Variants in ELN observed in about 807,000 individuals in gnomAD.
ELN encodes the protein elastin, also known as tropoelastin.
Under a neutral mutation model 105.8 loss-of-function variants are expected in ELN, and 65 were observed. The observed-to-expected ratio is 0.61, with a 90% CI of 0.50 to 0.75. The LOEUF (loss-of-function observed/expected upper bound fraction) is 0.75. Ranked by LOEUF, ELN falls within the 30% of genes least tolerant of loss-of-function variation. The pLI is 0.00. For synonymous variants in ELN, 368 were observed against 389.2 expected (o/e 0.95, Z 0.64); for missense variants, 882 against 969.4 (o/e 0.91, Z 1.20).
At chr7:74,037,663 A>G (rs1584502423) in intron 3 of ELN, 44 bp from the exon 4 acceptor site, 1 of 1,602,772 alleles carries the variant, frequency 6.2e-7, no homozygotes, top group Non-Finnish European at 8.5e-7. Flanking sequence ...TAGTAGATGG[A>G]TAAGCTGGGC....
intron 29 of ELN, among the ~76,000 whole-genome samples, chr7:74,064,049 G>A (rs554907076): frequency 4.5e-4 from 68 of 151,948 alleles, no homozygotes; most frequent in African/African-American, 1.4e-3. Flanking sequence ...GCTGCAGTGA[G>A]CTGAGATGGT....
chr7:74,056,800 T>G lies in ELN; in HGVS notation c.1357+87T>G, dbSNP rs980615095. On this transcript the variant is annotated intron_variant, in intron 21 of 32. Transcript: ENST00000252034. ...CTCAGGGCAAACTGGCTCCCAGGCC[T>G]CCAGGACTGAAATGGCCTGGACCAA... 11 of 1,582,110 alleles carry G rather than the reference T, an allele frequency of 7.0e-6. No individual in the cohort carries two copies. The South Asian group carries it at 1.2e-4, about 18-fold the overall frequency.
intron 8 of ELN, 179 bp downstream of exon 8, chr7:74,043,347 G>A (rs1791693307): frequency 5.2e-6 from 5 of 961,908 alleles, no homozygotes; most frequent in Non-Finnish European, 6.4e-6. Flanking sequence ...GAGGGGCCTG[G>A]CCCACTTCCC....
At chr7:74,032,573 TG>T (rs1206067811) in intron 1 of ELN, among the ~76,000 whole-genome samples, 1 of 152,126 alleles carries the variant, frequency 6.6e-6, no homozygotes, top group Non-Finnish European at 1.5e-5. Flanking sequence ...CATTGCAAAG[TG>T]GGGATTAAAA....
chr7:74,057,824 C>T, intron 22 of ELN, 128 bp downstream of exon 22: 2 of 1,072,608 alleles, frequency 1.9e-6, no homozygotes, highest in Admixed American at 2.0e-5. Context: ...CTGGGGTGGG[C>T]CCTCCTTAGA....
intron 2 of ELN, 150 bp downstream of exon 2, chr7:74,035,564 A>T: frequency 1.1e-6 from 1 of 910,062 alleles, no homozygotes; most frequent in East Asian, 2.6e-5. Flanking sequence ...CAAGACATTG[A>T]TTTACAGCTA....
chr7:74,047,984 A>G (rs570310942), intron 13 of ELN, among the ~76,000 whole-genome samples, 158 bp from the exon 14 acceptor site: 1 of 152,232 alleles, frequency 6.6e-6, no homozygotes, highest in South Asian at 2.1e-4. Flanking sequence ...AAATGGACAT[A>G]ACAACTCCAT....
intron 18 of ELN, among the ~76,000 whole-genome samples, chr7:74,053,551 G>A (rs1291697559): frequency 6.6e-6 from 1 of 152,130 alleles, no homozygotes; most frequent in African/African-American, 2.4e-5. Flanking sequence ...TCTCTGGGGG[G>A]CAGGAACCGT....
In ELN at chr7:74,069,340, A is replaced by G; in HGVS notation, c.*640A>G. ...TTGCCCTTGTAGAATCCATCCGCCCATCCGTCCATTCATCCATCGGTCCGT... is the reference window on the plus strand; with the variant it reads ...TTGCCCTTGTAGAATCCATCCGCCCGTCCGTCCATTCATCCATCGGTCCGT... On this transcript the variant is annotated 3_prime_UTR_variant, in exon 33 of 33. Transcript: ENST00000252034. The G allele has an allele frequency of 4.2e-6, 1 of 236,136 alleles. No homozygotes were observed. The highest frequency in any genetic ancestry group is 6.0e-5 in the East Asian group (1 of 16,618). The allele number at this position is 236,136 out of a possible 1,614,324, so 14.6% of individuals were successfully genotyped here. A position where few individuals can be genotyped will look rare whatever the true frequency, so the allele number is the denominator to read the frequency against.
chr7:74,045,152 G>A (rs1342343085), intron 9 of ELN, 70 bp from the exon 10 acceptor site: 1 of 1,583,360 alleles, frequency 6.3e-7, no homozygotes, highest in African/African-American at 1.3e-5. Context: ...GGGGACCCGA[G>A]GAGGGGAGGG....
At chr7:74,028,825 C>T (rs1206621573) in intron 1 of ELN, among the ~76,000 whole-genome samples, 9 of 152,174 alleles carry the variant, frequency 5.9e-5, no homozygotes, top group African/African-American at 2.2e-4. Context: ...CTGCTGTGTT[C>T]TCCCTGCTGA....
intron 15 of ELN, among the ~76,000 whole-genome samples, chr7:74,050,775 C>T (rs1048603594): frequency 2.6e-5 from 4 of 151,978 alleles, no homozygotes; most frequent in Admixed American, 6.6e-5. Context: ...AGTCAAGAAA[C>T]GGGAGGCATT....
At chr7:74,048,894 T>G (rs1793204619) in intron 15 of ELN, among the ~76,000 whole-genome samples, 2 of 151,712 alleles carry the variant, frequency 1.3e-5, no homozygotes, top group Admixed American at 6.6e-5. Context: ...CATCTCTCCC[T>G]CCATCCATTC....
intron 15 of ELN, among the ~76,000 whole-genome samples, chr7:74,049,284 A>G (rs1793334003): frequency 6.7e-6 from 1 of 148,592 alleles, no homozygotes; most frequent in Non-Finnish European, 1.5e-5. Context: ...CCACCCATTC[A>G]TCCATCCATC....
chr7:74,047,748 C>T (rs1554673418), intron 13 of ELN, 32 bp downstream of exon 13: 1 of 1,613,880 alleles, frequency 6.2e-7, no homozygotes, highest in South Asian at 1.1e-5. Flanking sequence ...TGTGGGCTTC[C>T]AGCTCTTTCC....
Position 74,068,917 on chromosome 7 carries a change from C to G in ELN, c.*217C>G, listed in dbSNP as rs1798562252. ...AGGCCCCCTACTTCAGAGGCAAGGG[C>G]CATGTGGTCCTGGCCCCCCACCCCA... is the stretch of plus-strand genomic sequence containing the variant. On this transcript the variant is annotated 3_prime_UTR_variant, in exon 33 of 33. Transcript: ENST00000252034. 3.3e-6 allele frequency: 2 copies of G among 610,536 alleles called. No individual in the cohort carries two copies. Among genetic ancestry groups the G allele is most frequent in the African/African-American group, 3.7e-5 (2 of 54,722 alleles). The allele number at this position is 610,536 out of a possible 1,614,324, so 37.8% of individuals were successfully genotyped here. A position where few individuals can be genotyped will look rare whatever the true frequency, so the allele number is the denominator to read the frequency against.
At chr7:74,040,145 C>G (rs932128983) in intron 4 of ELN, among the ~76,000 whole-genome samples, 1 of 152,224 alleles carries the variant, frequency 6.6e-6, no homozygotes, top group Non-Finnish European at 1.5e-5. Context: ...GCCTGCCCCC[C>G]ACTGCAGCCC....
chr7:74,061,386 G>A (rs957290481), intron 26 of ELN, among the ~76,000 whole-genome samples: 6 of 150,924 alleles, frequency 4.0e-5, no homozygotes, highest in Non-Finnish European at 5.9e-5. Flanking sequence ...GCGTGGTGGC[G>A]GGCACCTGTA....
Position 74,069,384 on chromosome 7 carries a change from G to T in ELN, c.*684G>T. On this transcript the variant is annotated 3_prime_UTR_variant, in exon 33 of 33. Transcript: ENST00000252034. ...GGTCCGTCCATCCATGTCCCCAGTT[G>T]ACCGCCCGGCACCACTAGCTGGCTG... 4.3e-6 allele frequency: 1 copy of T among 235,222 alleles called. No individual in the cohort carries two copies. The highest frequency in any genetic ancestry group is 8.4e-6 in the Non-Finnish European group (1 of 119,050). 14.6% of individuals were successfully genotyped at this position (235,222 alleles called of 1,614,324 possible). A position where few individuals can be genotyped will look rare whatever the true frequency, so the allele number is the denominator to read the frequency against.
Sources: allele counts gnomAD v4.1 joint callset (sites outside exome capture counted in the v4.1 genomes callset), GRCh38; gene constraint gnomAD v4.1.1; transcripts MANE v1.5; gene names NCBI Gene and HGNC (gene_info 2026-07-23, HGNC 2026-07-21).